The following LRP1B variants were observed in gnomAD, a reference collection of about 807,000 sequenced individuals.
LRP1B encodes low-density lipoprotein receptor-related protein 1B.
In LRP1B, 217 loss-of-function variants were observed where a neutral mutation model predicts 556.6. The observed-to-expected ratio is 0.39, with a 90% confidence interval of 0.35 to 0.44. LRP1B has a LOEUF of 0.44. Ranked by LOEUF, LRP1B falls within the 20% of genes least tolerant of loss-of-function variation. The pLI, the probability that LRP1B is intolerant of heterozygous loss-of-function variation, is 1.00. For synonymous variants in LRP1B, 2,047 were observed against 1,865.8 expected, an observed-to-expected ratio of 1.10 and a Z score of -2.50; for missense variants, 5,053 against 5,620.8, an observed-to-expected ratio of 0.90 and a Z score of 3.23.
Position 142,015,991 on chromosome 2 carries a change from C to CAAAAAAAAAAAAAAAAAAA in LRP1B, c.82+114638_82+114656dup, listed in dbSNP as rs70994471. On this transcript the variant is annotated intron_variant, in intron 1 of 90. Coordinates refer to ENST00000389484, the MANE Select transcript of LRP1B (RefSeq NM_018557.3). ...TGGGCAACAGCGCGAGACTCCATCT[C>CAAAAAAAAAAAAAAAAAAA]AAAAAAAAAAAAAAAAAAAAAGTGG... 6.4e-4 allele frequency among the ~76,000 whole-genome samples: 25 copies of CAAAAAAAAAAAAAAAAAAA among 38,796 alleles called. 2 individuals are homozygous for CAAAAAAAAAAAAAAAAAAA. The highest frequency in any genetic ancestry group is 2.9e-3 in the East Asian group (2 of 694). 25.5% of individuals were successfully genotyped at this position (38,796 alleles called of 152,430 possible).
At chr2:141,920,154 C>A (rs1700144382) in intron 1 of LRP1B, among the ~76,000 whole-genome samples, 1 of 151,686 alleles carries the variant, frequency 6.6e-6, no homozygotes, top group Non-Finnish European at 1.5e-5. Context: ...ATTGCTCATG[C>A]TTTCAATTGC....
At chr2:140,792,402 T>C (rs918250964) in intron 32 of LRP1B, among the ~76,000 whole-genome samples, 1 of 152,174 alleles carries the variant, frequency 6.6e-6, no homozygotes, top group African/African-American at 2.4e-5. Context: ...TCCTGTTTTA[T>C]CTTCGGGTCA....
chr2:141,930,556 G>A (rs1181030280), intron 1 of LRP1B, among the ~76,000 whole-genome samples: 1 of 152,010 alleles, frequency 6.6e-6, no homozygotes, highest in East Asian at 1.9e-4. Context: ...TCAAATATCA[G>A]TAATTTGAGA....
At chr2:140,899,694 G>C (rs1304170615) in intron 23 of LRP1B, among the ~76,000 whole-genome samples, 1 of 152,246 alleles carries the variant, frequency 6.6e-6, no homozygotes, top group East Asian at 1.9e-4. Flanking sequence ...TTGAATAAAA[G>C]TATGCTTTGT....
In LRP1B at chr2:141,176,314, T is replaced by C. The variant is rs76689362; in HGVS notation, c.1013+12107A>G. Among the ~76,000 whole-genome samples, 1,520 of 152,162 alleles carry C rather than the reference T, an allele frequency of 1.0e-2. 28 individuals are homozygous for C. Among genetic ancestry groups the C allele is most frequent in the African/African-American group, 0.035 (1,469 of 41,536 alleles). On this transcript the variant is annotated intron_variant, in intron 7 of 90. Coordinates refer to ENST00000389484, the MANE Select transcript of LRP1B (RefSeq NM_018557.3). ...GTCCCCACCCAAATCTCATGTCCCA[T>C]TGTAATCCCCACATTGCACAGGAGG...
rs905169385 is a variant in LRP1B at position 141,035,220 on chromosome 2, G to T, written c.1789+13766C>A. 5.9e-5 allele frequency among the ~76,000 whole-genome samples: 9 copies of T among 152,074 alleles called. No homozygotes were observed. The East Asian group carries it at 1.4e-3, about 23-fold the overall frequency. ...GTGACTGTTGTGGGGTGGGGGAAGGGGGGAGGGATAGCATTAGGAGATATA... is the reference window on the plus strand; with the variant it reads ...GTGACTGTTGTGGGGTGGGGGAAGGTGGGAGGGATAGCATTAGGAGATATA... On this transcript the variant is annotated intron_variant, in intron 11 of 90. Coordinates refer to ENST00000389484, the MANE Select transcript of LRP1B (RefSeq NM_018557.3).
chr2:141,924,480 A>C (rs1196635236), intron 1 of LRP1B, among the ~76,000 whole-genome samples: 1 of 152,140 alleles, frequency 6.6e-6, no homozygotes, highest in Admixed American at 6.6e-5. Context: ...AAGCTCTCAC[A>C]CTGGCCCTCT....
At chr2:141,604,305 G>A (rs184900852) in intron 2 of LRP1B, among the ~76,000 whole-genome samples, 32 of 152,268 alleles carry the variant, frequency 2.1e-4, no homozygotes, top group African/African-American at 7.2e-4. Flanking sequence ...TGTTATAACA[G>A]AGCGTTCTCT....
intron 7 of LRP1B, among the ~76,000 whole-genome samples, chr2:141,120,331 T>C (rs931651019): frequency 3.9e-5 from 6 of 151,980 alleles, no homozygotes; most frequent in Non-Finnish European, 8.8e-5. Flanking sequence ...TCTATTAATT[T>C]TGCAAATGAA....
rs997155095 is a variant in LRP1B at position 140,858,830 on chromosome 2, T to G, written c.4580-7047A>C. 2.0e-5 allele frequency among the ~76,000 whole-genome samples: 3 copies of G among 152,030 alleles called. No homozygotes were observed. In the East Asian group the frequency reaches 5.8e-4, roughly 29 times the overall value. ...GCTCCCACTTATAAGTGCGAATATG[T>G]GGTGTTTAGTTTTCTGTTCCTGCTT... On this transcript the variant is annotated intron_variant, in intron 27 of 90. Coordinates refer to ENST00000389484, the MANE Select transcript of LRP1B (RefSeq NM_018557.3).
chr2:140,321,923 G>C lies in LRP1B; in HGVS notation c.12640+40C>G, dbSNP rs1393180414. 3 of 1,577,214 alleles carry C rather than the reference G, an allele frequency of 1.9e-6. No homozygotes were observed. In the African/African-American group the frequency reaches 4.1e-5, roughly 22 times the overall value. On this transcript the variant is annotated intron_variant, in intron 82 of 90. Coordinates refer to ENST00000389484, the MANE Select transcript of LRP1B (RefSeq NM_018557.3). ...CACGAGGTGTGAAATTTTATGATAA[G>C]GATTAATTCATTATTTACAGAATAA...
intron 2 of LRP1B, among the ~76,000 whole-genome samples, chr2:141,762,748 T>C (rs1024330104): frequency 5.3e-5 from 8 of 152,172 alleles, no homozygotes; most frequent in African/African-American, 1.9e-4. Flanking sequence ...TGCGTGACTA[T>C]AGTGTTTTTC....
intron 43 of LRP1B, among the ~76,000 whole-genome samples, chr2:140,557,608 G>A (rs1468058612): frequency 2.0e-5 from 3 of 151,962 alleles, no homozygotes; most frequent in Admixed American, 2.0e-4. Context: ...ATGCTCTTCC[G>A]TTCTCTCTGT....
At chr2:140,762,421 T>A (rs1272321127) in intron 35 of LRP1B, among the ~76,000 whole-genome samples, 1 of 152,122 alleles carries the variant, frequency 6.6e-6, no homozygotes, top group Non-Finnish European at 1.5e-5. Context: ...TACACAAAGT[T>A]TCCTAACTTT....
intron 3 of LRP1B, among the ~76,000 whole-genome samples, chr2:141,261,096 T>C (rs951429444): frequency 1.3e-5 from 2 of 152,174 alleles, no homozygotes; most frequent in Non-Finnish European, 2.9e-5. Context: ...GGACATATGC[T>C]TGACATATTT....
chr2:141,315,252 A>ATTTTTTTTTTT (rs34839276), intron 3 of LRP1B, among the ~76,000 whole-genome samples: 11 of 77,194 alleles, frequency 1.4e-4, no homozygotes, highest in Admixed American at 2.2e-4. Context: ...AATGATTGTA[A>ATTTTTTTTTTT]TTTTTTTTTT....
intron 2 of LRP1B, among the ~76,000 whole-genome samples, chr2:141,562,016 G>A (rs1359715874): frequency 6.6e-6 from 1 of 151,858 alleles, no homozygotes; most frequent in East Asian, 1.9e-4. Flanking sequence ...ATACAGAATA[G>A]AAATGAGGAT....
Position 141,314,810 on chromosome 2 carries a change from T to A in LRP1B, c.344-60169A>T, listed in dbSNP as rs1206008490. On this transcript the variant is annotated intron_variant, in intron 3 of 90. Transcript: ENST00000389484. ...CGTCTCAAAAGAAAAAAAAAAAAATTTATATATATATATATATGTGTATAT... is the reference window on the plus strand; with the variant it reads ...CGTCTCAAAAGAAAAAAAAAAAAATATATATATATATATATATGTGTATAT... Among the ~76,000 whole-genome samples the A allele has an allele frequency of 3.5e-3, 429 of 123,492 alleles. 4 individuals carry two copies. The highest frequency in any genetic ancestry group is 0.01 in the African/African-American group (329 of 31,394). 81.0% of individuals were successfully genotyped at this position (123,492 alleles called of 152,430 possible).
intron 29 of LRP1B, among the ~76,000 whole-genome samples, chr2:140,842,706 T>G (rs2105101882): frequency 6.6e-6 from 1 of 152,282 alleles, no homozygotes; most frequent in Non-Finnish European, 1.5e-5. Flanking sequence ...TTATTCCTTC[T>G]TCCCCTTCTT....
Sources: gnomAD v4.1 joint callset for allele counts (sites outside exome capture counted in the v4.1 genomes callset) on GRCh38, gnomAD v4.1.1 for gene constraint, MANE v1.5 for transcripts, NCBI Gene and HGNC (gene_info 2026-07-23, HGNC 2026-07-21) for gene names.